DAO: variants seen among roughly 807,000 people sequenced by gnomAD.
DAO encodes D-amino acid oxidase.
DAO carries 51 observed loss-of-function variants against 50.1 expected under a neutral mutation model. The observed-to-expected ratio is 1.02, with a 90% confidence interval of 0.81 to 1.29. DAO has a LOEUF of 1.29. DAO is among the 50% of genes most tolerant of loss of function. The probability of loss-of-function intolerance (pLI) is 0.00; values close to 1 mark genes in which losing one functional copy is unlikely to be tolerated. For missense variants in DAO, 436 were observed against 439.4 expected (o/e 0.99, Z 0.07); for synonymous variants, 160 against 166.2 (o/e 0.96, Z 0.29).
At chr12:108,894,957 C>A (rs149012182) in intron 7 of DAO, among the ~76,000 whole-genome samples, 271 of 152,282 alleles carry the variant, frequency 1.8e-3, no homozygotes, top group African/African-American at 6.1e-3. Context: ...CTCAAGTGAT[C>A]CCCCCACCTT....
chr12:108,886,697 C>T (rs975443234), intron 2 of DAO, among the ~76,000 whole-genome samples: 1 of 152,140 alleles, frequency 6.6e-6, no homozygotes, highest in Non-Finnish European at 1.5e-5. Flanking sequence ...AACTCCTGAC[C>T]TCAAGTGACC....
At chr12:108,889,063 C>T (rs2039462246) in intron 3 of DAO, among the ~76,000 whole-genome samples, 1 of 152,056 alleles carries the variant, frequency 6.6e-6, no homozygotes, top group Non-Finnish European at 1.5e-5. Flanking sequence ...ATGCTTGGAA[C>T]AGTGCCTTAT....
chr12:108,890,375 T>C, intron 5 of DAO, 102 bp downstream of exon 5: 2 of 890,092 alleles, frequency 2.2e-6, no homozygotes, highest in Non-Finnish European at 3.7e-6. Context: ...ACCCCCAGGT[T>C]TGAAGAATAC....
In DAO at chr12:108,898,707, T is replaced by C; in HGVS notation, c.724T>C (p.Phe242Leu). ...GTQTVTLGGI[F>L]QLGNWSELNN... ...CCAGACAGTTACTCTTGGAGGCATC[T>C]TCCAGTTGGGAAACTGGAGTGAACT... The change falls in exon 9 of 11, where the codon TTC (phenylalanine) becomes CTC (leucine). Residue 242 changes from phenylalanine (F) to leucine (L), a missense_variant. Coordinates refer to ENST00000228476, the MANE Select transcript of DAO (RefSeq NM_001917.5). 6.2e-7 allele frequency: 1 copy of C among 1,613,286 alleles called. No individual in the cohort carries two copies. Among genetic ancestry groups the C allele is most frequent in the Non-Finnish European group, 8.5e-7 (1 of 1,179,236 alleles).
intron 5 of DAO, 44 bp downstream of exon 5, chr12:108,890,317 C>T: frequency 6.7e-7 from 1 of 1,490,446 alleles, no homozygotes; most frequent in Non-Finnish European, 9.4e-7. Context: ...CTCCCAGAGA[C>T]CAAGTTGTAG....
chr12:108,885,280 G>A (rs1218954542), intron 2 of DAO, 80 bp downstream of exon 2: 3 of 1,366,452 alleles, frequency 2.2e-6, no homozygotes, highest in East Asian at 4.6e-5. Context: ...CCATCACCAA[G>A]AGCAAGCCCC....
intron 1 of DAO, chr12:108,883,865 C>T (rs1284326283): frequency 1.7e-5 from 5 of 292,502 alleles, no homozygotes; most frequent in Non-Finnish European, 3.5e-5. Context: ...CGTTTTCCCT[C>T]CTTTATAAAA....
intron 5 of DAO, among the ~76,000 whole-genome samples, chr12:108,891,116 C>T (rs1030227178): frequency 6.6e-6 from 1 of 152,134 alleles, no homozygotes; most frequent in Non-Finnish European, 1.5e-5. Flanking sequence ...CCACCACGCC[C>T]AGCCTGATTC....
In DAO at chr12:108,894,379, G is replaced by T. The variant is rs1228863111; in HGVS notation, c.612+12G>T. ...GGCAGATCATGAAGGTGAGTGTGAG[G>T]GTGAGACCCCTACCTTTTGTTAATA... On this transcript the variant is annotated intron_variant, in intron 7 of 10. Transcript: ENST00000228476. 3 of 1,592,204 alleles carry T rather than the reference G, an allele frequency of 1.9e-6. No homozygotes were observed. Among genetic ancestry groups the T allele is most frequent in the East Asian group, 4.5e-5 (2 of 44,728 alleles).
intron 7 of DAO, among the ~76,000 whole-genome samples, chr12:108,895,607 T>G (rs1248323069): frequency 6.8e-6 from 1 of 148,032 alleles, no homozygotes. Flanking sequence ...TGATGGTGTG[T>G]GTGTGTGAGA....
chr12:108,896,991 G>C lies in DAO; in HGVS notation c.613-15G>C, dbSNP rs1331517473. On this transcript the variant is annotated splice_polypyrimidine_tract_variant and intron_variant, in intron 7 of 10. Coordinates refer to ENST00000228476, the MANE Select transcript of DAO (RefSeq NM_001917.5). ...TCACCTCCGCTGATGAGACTTTCCT[G>C]CCCTGAATCAACAGGTGGACGCCCC... is the stretch of plus-strand genomic sequence containing the variant. The C allele has an allele frequency of 6.2e-7, 1 of 1,608,014 alleles. No homozygotes were observed. The highest frequency in any genetic ancestry group is 8.5e-7 in the Non-Finnish European group (1 of 1,174,504).
chr12:108,883,044 C>T (rs1006779280), intron 1 of DAO, among the ~76,000 whole-genome samples: 6 of 151,910 alleles, frequency 3.9e-5, no homozygotes, highest in Non-Finnish European at 8.8e-5. Context: ...GTCAGCTCTC[C>T]GGAAATTATG....
At chr12:108,881,618 T>TTTC (rs2039382247) in intron 1 of DAO, among the ~76,000 whole-genome samples, 1 of 150,146 alleles carries the variant, frequency 6.7e-6, no homozygotes, top group Admixed American at 6.7e-5. Context: ...TTTTTTTTTT[T>TTTC]TTTTTGACAG....
chr12:108,894,544 G>T (rs542844495), intron 7 of DAO, among the ~76,000 whole-genome samples, 177 bp downstream of exon 7: 20 of 152,200 alleles, frequency 1.3e-4, no homozygotes, highest in Admixed American at 1.2e-3. Context: ...TCTCTTTCAG[G>T]ATTTCCTCTT....
In DAO at chr12:108,881,426, T is replaced by C. The variant is rs577935706; in HGVS notation, c.-10+1202T>C. 2.7e-5 allele frequency among the ~76,000 whole-genome samples: 4 copies of C among 148,092 alleles called. No individual in the cohort carries two copies. In the South Asian group the frequency reaches 8.7e-4, roughly 32 times the overall value. On this transcript the variant is annotated intron_variant, in intron 1 of 10. Coordinates refer to ENST00000228476, the MANE Select transcript of DAO (RefSeq NM_001917.5). The stretch of plus-strand genomic sequence containing the variant: ...GCTGGATCTGCCACATCTGACAATC[T>C]GTCTCTGGCTTGTCATGAGGACCTC...
In DAO at chr12:108,885,101, T is replaced by G; in HGVS notation, c.95T>G (p.Ile32Arg). The G allele has an allele frequency of 6.2e-7, 1 of 1,614,138 alleles. No homozygotes were observed. Among genetic ancestry groups the G allele is most frequent in the African/African-American group, 1.3e-5 (1 of 75,038 alleles). The change falls in exon 2 of 11, where the codon ATA (isoleucine) becomes AGA (arginine). Residue 32 changes from isoleucine to arginine, a missense_variant. Physicochemically the swap from Ile to Arg is moderately conservative, Grantham distance 97. Transcript: ENST00000228476. ...RYHSVLQPLD[I>R]KVYADRFTPL... ...CACTCAGTCCTGCAGCCACTGGACA[T>G]AAAGGTCTACGCGGACCGCTTCACC...
chr12:108,898,802 G>T lies in DAO; in HGVS notation c.813+6G>T. ...GACTGGAGCCCACACTGAAGGTAAG[G>T]TAGGGAGGAGTAGCAGTGCCCTAAA... is the stretch of plus-strand genomic sequence containing the variant. On this transcript the variant is annotated splice_donor_region_variant and intron_variant, in intron 9 of 10. Coordinates refer to ENST00000228476, the MANE Select transcript of DAO (RefSeq NM_001917.5). The T allele has an allele frequency of 2.5e-6, 4 of 1,599,176 alleles. No homozygotes were observed. Among genetic ancestry groups the T allele is most frequent in the Non-Finnish European group, 3.4e-6 (4 of 1,166,478 alleles).
Position 108,894,342 on chromosome 12 carries a change from A to T in DAO, c.587A>T (p.Gln196Leu). 3.7e-6 allele frequency: 6 copies of T among 1,613,976 alleles called. No homozygotes were observed. Among genetic ancestry groups the T allele is most frequent in the Non-Finnish European group, 5.1e-6 (6 of 1,179,910 alleles). The change falls in exon 7 of 11, where the codon CAG becomes CTG. Residue 196 changes from glutamine to leucine, a missense_variant. Physicochemically the swap from Gln to Leu is moderately radical, Grantham distance 113. Transcript: ENST00000228476. The part of the protein sequence containing the change: ...AGALQRDPLL[Q>L]PGRGQIMKVD... ...GCGCTACAACGAGACCCCCTGCTGC[A>T]GCCAGGCCGGGGGCAGATCATGAAG... is the stretch of plus-strand genomic sequence containing the variant.
chr12:108,898,743 C>A lies in DAO; in HGVS notation c.760C>A (p.Gln254Lys). ...AAACTGGAGTGAACTAAACAATATCCAGGACCACAACACCATTTGGGAAGG... is the reference window on the plus strand; with the variant it reads ...AAACTGGAGTGAACTAAACAATATCAAGGACCACAACACCATTTGGGAAGG... ...LGNWSELNNI[Q>K]DHNTIWEGCC... Residue 254 changes from glutamine (Q) to lysine (K), a missense_variant, in exon 9 of 11, where the codon CAG becomes AAG. Transcript: ENST00000228476. 6.2e-7 allele frequency: 1 copy of A among 1,614,022 alleles called. No individual in the cohort carries two copies. Among genetic ancestry groups the A allele is most frequent in the Non-Finnish European group, 8.5e-7 (1 of 1,179,962 alleles).
Sources: allele counts gnomAD v4.1 joint callset (sites outside exome capture counted in the v4.1 genomes callset), GRCh38; gene constraint gnomAD v4.1.1; transcripts MANE v1.5; gene names NCBI Gene and HGNC (gene_info 2026-07-23, HGNC 2026-07-21).